PCDH15: variants seen among roughly 807,000 people sequenced by gnomAD.
PCDH15 encodes the protein protocadherin-15.
PCDH15 carries 129 observed loss-of-function variants against 178.5 expected under a neutral mutation model. The observed-to-expected ratio is 0.72, with a 90% CI of 0.63 to 0.84. PCDH15 has a LOEUF of 0.84. Ranked by LOEUF, PCDH15 falls within the 40% of genes least tolerant of loss-of-function variation. The probability of loss-of-function intolerance (pLI) is 0.00; values close to 1 mark genes in which losing one functional copy is unlikely to be tolerated. For missense variants in PCDH15, 2,230 were observed against 2,099.9 expected (o/e 1.06, Z -1.21); for synonymous variants, 800 against 732.0 (o/e 1.09, Z -1.50).
rs80150573 is a variant in PCDH15, at chr10:54,058,534, T to C, written c.2220+8223A>G. Among the ~76,000 whole-genome samples, 1,479 of 152,270 alleles carry C rather than the reference T, an allele frequency of 9.7e-3. 27 individuals carry two copies. Among genetic ancestry groups the C allele is most frequent in the African/African-American group, 0.034 (1,408 of 41,540 alleles). ...CCTGATGATTCAGTCACCTCCCACC[T>C]GGTCCTTTCCACGACGTGTGGGAAT... is the stretch of plus-strand genomic sequence containing the variant. On this transcript the variant is annotated intron_variant, in intron 18 of 37. Transcript: ENST00000644397.
In PCDH15 at chr10:54,194,810, A is replaced by G. The variant is rs182341402; in HGVS notation, c.1305+873T>C. 5.6e-3 allele frequency among the ~76,000 whole-genome samples: 860 copies of G among 152,246 alleles called. 8 individuals are homozygous for G. The highest frequency in any genetic ancestry group is 0.017 in the African/African-American group (699 of 41,546). ...GATACTGTGGTAGTTCACAAACTCAAAGGAAAATCTTTGGGAATTAGAATA... is the reference window on the plus strand; with the variant it reads ...GATACTGTGGTAGTTCACAAACTCAGAGGAAAATCTTTGGGAATTAGAATA... On this transcript the variant is annotated intron_variant, in intron 11 of 37. Transcript: ENST00000644397.
intron 2 of PCDH15, among the ~76,000 whole-genome samples, chr10:55,497,243 C>G (rs1432483678): frequency 6.6e-6 from 1 of 151,814 alleles, no homozygotes; most frequent in African/African-American, 2.4e-5. Context: ...GATTCTCCCA[C>G]CTCAGCCTCC....
chr10:54,727,260 C>A (rs953934181), intron 1 of PCDH15, among the ~76,000 whole-genome samples: 6 of 150,988 alleles, frequency 4.0e-5, no homozygotes, highest in Non-Finnish European at 5.9e-5. Flanking sequence ...ACATTGAGAC[C>A]ACAGCACAAT....
chr10:55,621,459 C>A (rs1345995359), intron 2 of PCDH15, among the ~76,000 whole-genome samples: 1 of 152,180 alleles, frequency 6.6e-6, no homozygotes, highest in East Asian at 1.9e-4. Flanking sequence ...CTGTTAGGAA[C>A]TGGGCCTCAC....
chr10:55,069,398 GGT>G (rs1841661963), intron 2 of PCDH15, among the ~76,000 whole-genome samples: 1 of 146,668 alleles, frequency 6.8e-6, no homozygotes, highest in African/African-American at 2.5e-5. Flanking sequence ...TTTAGCATTA[GGT>G]GTATCTCCTA....
At chr10:55,405,853 AT>A (rs1838185516) in intron 2 of PCDH15, among the ~76,000 whole-genome samples, 1 of 151,874 alleles carries the variant, frequency 6.6e-6, no homozygotes, top group Non-Finnish European at 1.5e-5. Flanking sequence ...CAAGAAAGTT[AT>A]TTTTAATGTT....
chr10:54,215,258 C>A (rs1007395724), intron 9 of PCDH15, among the ~76,000 whole-genome samples: 1 of 151,936 alleles, frequency 6.6e-6, no homozygotes, highest in Non-Finnish European at 1.5e-5. Flanking sequence ...GATGTTAAAA[C>A]ACATCCAAAA....
intron 1 of PCDH15, among the ~76,000 whole-genome samples, chr10:54,733,419 T>C (rs1365523301): frequency 2.6e-5 from 4 of 151,482 alleles, no homozygotes; most frequent in African/African-American, 9.7e-5. Flanking sequence ...ACAAAGTATA[T>C]GCATGATCTA....
rs189485364 is a variant in PCDH15, at chr10:55,302,849, A to T, written c.-156+16750T>A. On this transcript the variant is annotated intron_variant, in intron 1 of 5. Transcript: ENST00000458638. ...TACTAAATCTTCAAGCAAAGACAAT[A>T]ACAAAGTCATATTTCTTGTTTTCAT... is the stretch of plus-strand genomic sequence containing the variant. 7.4e-3 allele frequency among the ~76,000 whole-genome samples: 1,128 copies of T among 152,204 alleles called. 15 individuals are homozygous for T. Among genetic ancestry groups the T allele is most frequent in the Non-Finnish European group, 8.3e-3 (566 of 67,994 alleles).
intron 1 of PCDH15, among the ~76,000 whole-genome samples, chr10:54,744,708 G>A (rs1340133165): frequency 6.6e-6 from 1 of 152,110 alleles, no homozygotes; most frequent in Non-Finnish European, 1.5e-5. Flanking sequence ...AACAGAATTT[G>A]TATTTTAAGA....
At chr10:54,060,771 C>T (rs984195903) in intron 18 of PCDH15, among the ~76,000 whole-genome samples, 8 of 152,124 alleles carry the variant, frequency 5.3e-5, no homozygotes, top group African/African-American at 1.7e-4. Flanking sequence ...CATGGAGTCA[C>T]GTGATCTAGT....
chr10:54,616,864 T>C (rs555459019), intron 2 of PCDH15, among the ~76,000 whole-genome samples: 1 of 152,230 alleles, frequency 6.6e-6, no homozygotes, highest in Admixed American at 6.5e-5. Flanking sequence ...TGCCCGCTTT[T>C]ACAATAAAAT....
At chr10:54,077,955 TG>T (rs1165773405) in intron 17 of PCDH15, among the ~76,000 whole-genome samples, 14 of 151,996 alleles carry the variant, frequency 9.2e-5, no homozygotes, top group Non-Finnish European at 1.8e-4. Context: ...TCCAGCTACT[TG>T]GGAGGCTGAG....
At chr10:54,650,689 G>A (rs2094238809) in intron 2 of PCDH15, among the ~76,000 whole-genome samples, 2 of 152,184 alleles carry the variant, frequency 1.3e-5, no homozygotes, top group South Asian at 4.1e-4. Context: ...CAATCGTGGT[G>A]GAAGAGCAAG....
intron 2 of PCDH15, among the ~76,000 whole-genome samples, chr10:54,998,366 T>C (rs1349412879): frequency 6.6e-6 from 1 of 152,084 alleles, no homozygotes; most frequent in Admixed American, 6.5e-5. Context: ...TGTGCACATG[T>C]ATCCTGAAAC....
chr10:55,543,530 T>A (rs1292175854), intron 2 of PCDH15, among the ~76,000 whole-genome samples: 29 of 151,344 alleles, frequency 1.9e-4, no homozygotes, highest in Non-Finnish European at 2.8e-4. Flanking sequence ...CTAACCCTAG[T>A]CAGAAAAAAT....
intron 3 of PCDH15, among the ~76,000 whole-genome samples, chr10:54,889,522 C>T (rs56132234): frequency 3.0e-5 from 3 of 98,816 alleles, no homozygotes; most frequent in African/African-American, 9.6e-5. Flanking sequence ...TATATATGAT[C>T]TATATATACA....
rs1465977909 is a variant in PCDH15, at chr10:53,807,055, G to GAGCACTGTCTTCTCC, written c.4732_4746dup (p.Gly1578_Ala1582dup). 6.2e-7 allele frequency: 1 copy of GAGCACTGTCTTCTCC among 1,613,128 alleles called. No homozygotes were observed. Among genetic ancestry groups the GAGCACTGTCTTCTCC allele is most frequent in the Non-Finnish European group, 8.5e-7 (1 of 1,179,720 alleles). On this transcript the variant is annotated inframe_insertion, in exon 38 of 38. Transcript: ENST00000644397. The stretch of plus-strand genomic sequence containing the variant: ...TGAAGACGGTTTCTCTGACATTCAG[G>GAGCACTGTCTTCTCC]AGCACTGTCTTCTCCAGTTGAGCTG...
At chr10:54,425,580 T>C (rs1956177620) in intron 3 of PCDH15, among the ~76,000 whole-genome samples, 1 of 152,184 alleles carries the variant, frequency 6.6e-6, no homozygotes, top group South Asian at 2.1e-4. Flanking sequence ...CTTTGTAAAC[T>C]AGAATTGGCT....
Sources: allele counts gnomAD v4.1 joint callset (sites outside exome capture counted in the v4.1 genomes callset), GRCh38; gene constraint gnomAD v4.1.1; transcripts MANE v1.5; gene names NCBI Gene and HGNC (gene_info 2026-07-23, HGNC 2026-07-21).